The following QRICH2 variants were observed in gnomAD, a reference collection of about 807,000 sequenced individuals.
The protein encoded by QRICH2 is glutamine rich 2.
Under a neutral mutation model 168.3 loss-of-function variants are expected in QRICH2, and 119 were observed. The ratio of observed to expected loss-of-function variants is 0.71; its 90% CI spans 0.61 to 0.82. The LOEUF is 0.82. Among genes scored for constraint, QRICH2 ranks in the 40% least tolerant of loss-of-function variants. The pLI is 0.00. For missense variants in QRICH2, 2,241 were observed against 2,491.6 expected (o/e 0.90, Z 2.14); for synonymous variants, 894 against 951.2 (o/e 0.94, Z 1.11).
intron 3 of QRICH2, among the ~76,000 whole-genome samples, chr17:76,301,214 C>A (rs2070891532): frequency 6.6e-6 from 1 of 150,598 alleles, no homozygotes; most frequent in Non-Finnish European, 1.5e-5. Flanking sequence ...AAGACTGTCT[C>A]AAAAATATTT....
intron 3 of QRICH2, among the ~76,000 whole-genome samples, chr17:76,299,831 CCTT>C: frequency 6.6e-6 from 1 of 151,748 alleles, no homozygotes; most frequent in East Asian, 1.9e-4. Context: ...TAAAGCCAAA[CCTT>C]TTTTTTTTTT....
intron 15 of QRICH2, among the ~76,000 whole-genome samples, chr17:76,277,730 GCACT>G (rs1348013627): frequency 1.3e-5 from 2 of 151,158 alleles, no homozygotes; most frequent in Non-Finnish European, 3.0e-5. Context: ...CCACACTCAC[GCACT>G]CACTCCCACA....
chr17:76,304,814 G>T, intron 2 of QRICH2, 68 bp downstream of exon 2: 1 of 1,122,018 alleles, frequency 8.9e-7, no homozygotes, highest in Non-Finnish European at 1.4e-6. Flanking sequence ...AAGCCCTGGA[G>T]AGAGGGCCAC....
chr17:76,286,041 G>A (rs762349097), intron 7 of QRICH2, among the ~76,000 whole-genome samples: 2 of 152,036 alleles, frequency 1.3e-5, no homozygotes, highest in Admixed American at 6.6e-5. Flanking sequence ...CGGGCGTGGT[G>A]GCAGGTGCCT....
chr17:76,291,495 C>T lies in QRICH2; in HGVS notation c.3232G>A (p.Val1078Met), dbSNP rs2070990689. The T allele has an allele frequency of 6.2e-7, 1 of 1,613,932 alleles. No homozygotes were observed. Among genetic ancestry groups the T allele is most frequent in the Admixed American group, 1.7e-5 (1 of 59,984 alleles). The change falls in exon 4 of 19, where the codon GTG becomes ATG. Residue 1078 changes from valine (V) to methionine (M), a missense_variant. Physicochemically the swap from Val to Met is conservative, Grantham distance 21 (BLOSUM62 1). Around this residue, in one of 3 missense-constraint regions of QRICH2, gnomAD observed 2,047 missense variants for 2,303.8 expected, o/e 0.89. Transcript: ENST00000680821. ...LGSTHPDQQH[V>M]ASPGPGEHDQ... ...TGCTCACCTGGGCCAGGTGATGCCA[C>T]ATGCTGTTGATCTGGGTGTGTAGAT... is the stretch of plus-strand genomic sequence containing the variant.
Position 76,291,492 on chromosome 17 carries a change from C to T in QRICH2, c.3235G>A (p.Ala1079Thr). 2 of 1,614,044 alleles carry T rather than the reference C, an allele frequency of 1.2e-6. No homozygotes were observed. Among genetic ancestry groups the T allele is most frequent in the Non-Finnish European group, 1.7e-6 (2 of 1,179,972 alleles). The change falls in exon 4 of 19, where the codon GCA becomes ACA. Residue 1079 changes from alanine (A) to threonine (T), a missense_variant. This residue lies in a region of QRICH2 where 2,047 missense variants were observed against 2,303.8 expected (regional missense o/e 0.89). Coordinates refer to ENST00000680821, the MANE Select transcript of QRICH2 (RefSeq NM_001388453.1). ...GSTHPDQQHVASPGPGEHDQV... is the reference protein window; with the variant it reads ...GSTHPDQQHVTSPGPGEHDQV... ...TCATGCTCACCTGGGCCAGGTGATG[C>T]CACATGCTGTTGATCTGGGTGTGTA...
chr17:76,277,724 A>C (rs1372087279), intron 15 of QRICH2, among the ~76,000 whole-genome samples: 2 of 151,748 alleles, frequency 1.3e-5, no homozygotes, highest in Non-Finnish European at 2.9e-5. Context: ...AAACACCCAC[A>C]CTCACGCACT....
At position 76,280,747 on chromosome 17, in the gene QRICH2, CAG is replaced by C; in HGVS notation, c.4387-21_4387-20del. The C allele has an allele frequency of 6.2e-7, 1 of 1,614,080 alleles. No individual in the cohort carries two copies. Among genetic ancestry groups the C allele is most frequent in the Non-Finnish European group, 8.5e-7 (1 of 1,179,994 alleles). The stretch of plus-strand genomic sequence containing the variant: ...ACAGCATCTGGGGAGGCCAAGTGAA[CAG>C]AGAAAAAAAGAGCCAGCAGCTGCGG... On this transcript the variant is annotated intron_variant, in intron 9 of 18. Transcript: ENST00000680821. The surrounding 1 kb of genome is among the most constrained non-coding windows in gnomAD (Gnocchi z 7.4).
rs757349814 is a variant in QRICH2, at chr17:76,287,320, T to G, written c.3897-14A>C. 1.3e-6 allele frequency: 2 copies of G among 1,588,944 alleles called. No individual in the cohort carries two copies. The highest frequency in any genetic ancestry group is 2.2e-5 in the South Asian group (2 of 90,240). On this transcript the variant is annotated splice_polypyrimidine_tract_variant and intron_variant, in intron 6 of 18. Transcript: ENST00000680821. The stretch of plus-strand genomic sequence containing the variant: ...GCCACGGTGACTCTGTGGTGCACGA[T>G]GAGAGACTGCCAGACTCCACACTCA...
rs992345662 is a variant in QRICH2 at position 76,281,757 on chromosome 17, C to A, written c.4263+107G>T. On this transcript the variant is annotated intron_variant, in intron 8 of 18. Coordinates refer to ENST00000680821, the MANE Select transcript of QRICH2 (RefSeq NM_001388453.1). This position sits in a 1 kb window ranked among gnomAD's most constrained non-coding sequence, Gnocchi z 4.4. ...AAAGGGCTCCGCCACGGAGAGCTGA[C>A]CTTGAGGCCCAAACACCCGCCCCAC... 8 of 1,422,658 alleles carry A rather than the reference C, an allele frequency of 5.6e-6. No individual in the cohort carries two copies. The highest frequency in any genetic ancestry group is 1.3e-5 in the South Asian group (1 of 78,958). The allele number at this position is 1,422,658 out of a possible 1,614,324, so 88.1% of individuals were successfully genotyped here. A position where few individuals can be genotyped will look rare whatever the true frequency, so the allele number is the denominator to read the frequency against.
At position 76,279,050 on chromosome 17, in the gene QRICH2, T is replaced by A; in HGVS notation, c.4907A>T (p.His1636Leu). 1 of 1,613,766 alleles carries A rather than the reference T, an allele frequency of 6.2e-7. No individual in the cohort carries two copies. Among genetic ancestry groups the A allele is most frequent in the Non-Finnish European group, 8.5e-7 (1 of 1,179,902 alleles). The change falls in exon 14 of 19, where the codon CAT (histidine) becomes CTT (leucine). Residue 1636 changes from histidine (H) to leucine (L), a missense_variant. Coordinates refer to ENST00000680821, the MANE Select transcript of QRICH2 (RefSeq NM_001388453.1). The part of the protein sequence containing the change: ...TVFELEQVRQ[H>L]SRNLKLGSAF... ...CTGTCCCATAGCATACTTGCGGCTA[T>A]GCTGCCGGACCTGCTCCAGTTCAAA...
At chr17:76,306,027 G>A (rs1019882845) in intron 1 of QRICH2, among the ~76,000 whole-genome samples, 1 of 151,646 alleles carries the variant, frequency 6.6e-6, no homozygotes, top group Non-Finnish European at 1.5e-5. Context: ...AAAGTTAGCT[G>A]GGCATGGTGG....
chr17:76,291,974 T>C lies in QRICH2; in HGVS notation c.2753A>G (p.Gln918Arg). The C allele has an allele frequency of 6.2e-7, 1 of 1,614,108 alleles. No homozygotes were observed. The highest frequency in any genetic ancestry group is 8.5e-7 in the Non-Finnish European group (1 of 1,180,046). ...TGCCTGAGGTTGCACCATACCTTGC[T>C]GACCTATTCCAGGCTGCACCATACC... ...QLGMVQPGIG[Q>R]QGMVQPQADP... Residue 918 changes from glutamine to arginine, a missense_variant, in exon 4 of 19, where the codon CAG becomes CGG. Gln to Arg is a conservative substitution (Grantham distance 43). Coordinates refer to ENST00000680821, the MANE Select transcript of QRICH2 (RefSeq NM_001388453.1).
chr17:76,287,381 G>T, intron 6 of QRICH2, 75 bp from the exon 7 acceptor site: 2 of 991,446 alleles, frequency 2.0e-6, no homozygotes, highest in Non-Finnish European at 3.2e-6. Flanking sequence ...CATCAGGGAC[G>T]CAGGGGGATG....
chr17:76,303,002 GTC>G (rs2070930344), intron 3 of QRICH2, among the ~76,000 whole-genome samples: 1 of 151,912 alleles, frequency 6.6e-6, no homozygotes, highest in South Asian at 2.1e-4. Flanking sequence ...TTCTGCCTCA[GTC>G]TCCTGAGTAA....
chr17:76,274,167 T>G lies in QRICH2; in HGVS notation c.5576A>C (p.Asn1859Thr). ...AHPPSSAAVA[N>T]RGLERHVDMP... ...GTCCACGTGCCTCTCCAGCCCCCTG[T>G]TTGCCACCGCGGCGGAGCTGGGCGG... The change falls in exon 19 of 19, where the codon AAC (asparagine) becomes ACC (threonine). Residue 1859 changes from asparagine to threonine, a missense_variant. Asn to Thr is a moderately conservative substitution (Grantham distance 65). Transcript: ENST00000680821. 6.3e-7 allele frequency: 1 copy of G among 1,583,568 alleles called. No individual in the cohort carries two copies. Among genetic ancestry groups the G allele is most frequent in the South Asian group, 1.2e-5 (1 of 86,712 alleles).
At chr17:76,277,958 G>A (rs2070717545) in intron 15 of QRICH2, 31 bp downstream of exon 15, 2 of 1,600,708 alleles carry the variant, frequency 1.2e-6, no homozygotes, top group Non-Finnish European at 1.7e-6. Context: ...CTGGGTGCCT[G>A]CTCCCATGGC....
rs1250710872 is a variant in QRICH2, at chr17:76,293,850, G to A, written c.877C>T (p.His293Tyr). Residue 293 changes from histidine (H) to tyrosine (Y), a missense_variant, in exon 4 of 19, where the codon CAC (histidine) becomes TAC (tyrosine). By Grantham distance (83) the His-to-Tyr change is moderately conservative (BLOSUM62 2). Around this residue, in one of 3 missense-constraint regions of QRICH2, gnomAD observed 2,047 missense variants for 2,303.8 expected, o/e 0.89. Transcript: ENST00000680821. Reference protein sequence around the residue: ...RTASGSGGTAHPSDGVSSREQ... With the variant: ...RTASGSGGTAYPSDGVSSREQ... Reference sequence around the variant, plus strand: ...CTACTGGAAACCCCATCAGAGGGGTGTGCTGTGCCACCAGATCCTGATGCA... The same window carrying A: ...CTACTGGAAACCCCATCAGAGGGGTATGCTGTGCCACCAGATCCTGATGCA... 6.2e-7 allele frequency: 1 copy of A among 1,614,038 alleles called. No individual in the cohort carries two copies. Among genetic ancestry groups the A allele is most frequent in the African/African-American group, 1.3e-5 (1 of 75,012 alleles).
At chr17:76,304,312 C>A (rs1361763401) in intron 3 of QRICH2, 103 bp downstream of exon 3, 3 of 694,354 alleles carry the variant, frequency 4.3e-6, no homozygotes, top group South Asian at 3.4e-5. Context: ...ATGAAACTTG[C>A]GAACTATGAA....
Sources: gnomAD v4.1 joint callset for allele counts (sites outside exome capture counted in the v4.1 genomes callset) on GRCh38, gnomAD v4.1.1 for gene constraint, gnomAD v4.1.1 regional missense constraint, Gnocchi (gnomAD v3.1) non-coding constraint, MANE v1.5 for transcripts, NCBI Gene and HGNC (gene_info 2026-07-23, HGNC 2026-07-21) for gene names.